The following ASCC3 variants were observed in gnomAD, a reference collection of about 807,000 sequenced individuals.
The protein encoded by ASCC3 is ASC-1 complex subunit P200.
Under a neutral mutation model 256.3 loss-of-function variants are expected in ASCC3, and 158 were observed. That is an observed-to-expected ratio of 0.62 (90% CI 0.54 to 0.70). ASCC3 has a LOEUF of 0.70. Ranked by LOEUF, ASCC3 falls within the 30% of genes least tolerant of loss-of-function variation. ASCC3 has a pLI of 0.00. For missense variants in ASCC3, 2,259 were observed against 2,626.0 expected (o/e 0.86, Z 3.05); for synonymous variants, 948 against 883.4 (o/e 1.07, Z -1.30).
intron 5 of ASCC3, among the ~76,000 whole-genome samples, chr6:100,805,091 T>C (rs1331742667): frequency 6.6e-6 from 1 of 151,984 alleles, no homozygotes; most frequent in Non-Finnish European, 1.5e-5. Context: ...GAAATTGTTC[T>C]GTTTCCTGAA....
chr6:100,598,021 C>T (rs898495330), intron 34 of ASCC3, among the ~76,000 whole-genome samples: 2 of 148,744 alleles, frequency 1.3e-5, no homozygotes, highest in Non-Finnish European at 3.0e-5. Flanking sequence ...TTGTGAAAAT[C>T]AGTTGAAGCT....
chr6:100,702,978 A>T (rs1273806910), intron 13 of ASCC3, among the ~76,000 whole-genome samples: 1 of 152,154 alleles, frequency 6.6e-6, no homozygotes, highest in African/African-American at 2.4e-5. Context: ...TTCTTGAATT[A>T]GGCATGACCA....
chr6:100,761,554 T>C (rs1284033805), intron 10 of ASCC3, among the ~76,000 whole-genome samples: 2 of 152,118 alleles, frequency 1.3e-5, no homozygotes, highest in Non-Finnish European at 2.9e-5. Flanking sequence ...CCAGCAAAAA[T>C]GTCCTTCAGG....
At chr6:100,722,957 T>TA (rs1269721172) in intron 11 of ASCC3, among the ~76,000 whole-genome samples, 1 of 151,826 alleles carries the variant, frequency 6.6e-6, no homozygotes, top group African/African-American at 2.4e-5. Flanking sequence ...TATTTTGTAT[T>TA]AAAAAAAGAG....
At chr6:100,845,986 C>A (rs1221066228) in intron 4 of ASCC3, among the ~76,000 whole-genome samples, 3 of 152,066 alleles carry the variant, frequency 2.0e-5, no homozygotes, top group African/African-American at 7.2e-5. Flanking sequence ...GGAGCAAGAG[C>A]ACACAGCATG....
In ASCC3 at chr6:100,517,862, G is replaced by C. The variant is rs753484553; in HGVS notation, c.5927+129C>G. ...CGTCACTTGGCCATGTCTCACTCTGGGAAACAGGAGTATTTTCCATGTCAA... is the reference window on the plus strand; with the variant it reads ...CGTCACTTGGCCATGTCTCACTCTGCGAAACAGGAGTATTTTCCATGTCAA... On this transcript the variant is annotated intron_variant, in intron 38 of 41. Coordinates refer to ENST00000369162, the MANE Select transcript of ASCC3 (RefSeq NM_006828.4). The C allele has an allele frequency of 2.7e-5, 29 of 1,058,058 alleles. No individual in the cohort carries two copies. The Middle Eastern group carries it at 1.2e-3, about 45-fold the overall frequency. The allele number at this position is 1,058,058 out of a possible 1,614,324, so 65.5% of individuals were successfully genotyped here.
chr6:100,633,016 G>T (rs534325440), intron 25 of ASCC3, among the ~76,000 whole-genome samples: 3 of 152,010 alleles, frequency 2.0e-5, no homozygotes, highest in African/African-American at 7.2e-5. Context: ...TCAACAGAGA[G>T]ACAATGTGAA....
At chr6:100,698,922 C>T (rs1165446467) in intron 13 of ASCC3, among the ~76,000 whole-genome samples, 4 of 152,182 alleles carry the variant, frequency 2.6e-5, no homozygotes, top group African/African-American at 9.6e-5. Flanking sequence ...CACCTATTCA[C>T]TTATTCATCA....
intron 25 of ASCC3, among the ~76,000 whole-genome samples, chr6:100,634,370 C>T (rs913542584): frequency 7.2e-5 from 11 of 152,116 alleles, no homozygotes; most frequent in Admixed American, 3.3e-4. Context: ...TGTAATTTTG[C>T]ATCCTTTAAC....
At chr6:100,529,954 G>C (rs545492026) in intron 37 of ASCC3, among the ~76,000 whole-genome samples, 1 of 152,010 alleles carries the variant, frequency 6.6e-6, no homozygotes, top group East Asian at 1.9e-4. Context: ...CAGCTGTCAT[G>C]ATGTTTGCCT....
chr6:100,528,998 T>C (rs1407658629), intron 37 of ASCC3, among the ~76,000 whole-genome samples: 1 of 152,190 alleles, frequency 6.6e-6, no homozygotes, highest in East Asian at 1.9e-4. Flanking sequence ...TCTAGAAGTT[T>C]GAAGTTTTTC....
At chr6:100,557,413 G>T (rs567515798) in intron 36 of ASCC3, among the ~76,000 whole-genome samples, 1 of 152,120 alleles carries the variant, frequency 6.6e-6, no homozygotes, top group East Asian at 1.9e-4. Flanking sequence ...TTGCTGCATG[G>T]ATTTGGGATG....
chr6:100,569,931 A>G (rs1399369339), intron 36 of ASCC3, among the ~76,000 whole-genome samples: 1 of 152,056 alleles, frequency 6.6e-6, no homozygotes, highest in African/African-American at 2.4e-5. Flanking sequence ...ATGTTTTTCC[A>G]TTTGTTTGTG....
rs1770085226 is a variant in ASCC3, at chr6:100,563,866, A to G, written c.5551-23479T>C. Among the ~76,000 whole-genome samples, 3 of 152,150 alleles carry G rather than the reference A, an allele frequency of 2.0e-5. No homozygotes were observed. The South Asian group carries it at 6.2e-4, about 32-fold the overall frequency. ...TAAAATATTATTACTAATGAAAGCT[A>G]GCAACAGCAGATATCATATGGTAGG... is the stretch of plus-strand genomic sequence containing the variant. On this transcript the variant is annotated intron_variant, in intron 36 of 41. Coordinates refer to ENST00000369162, the MANE Select transcript of ASCC3 (RefSeq NM_006828.4).
rs1772477576 is a variant in ASCC3 at position 100,848,197 on chromosome 6, A to G, written c.752T>C (p.Leu251Ser). The G allele has an allele frequency of 6.2e-7, 1 of 1,610,624 alleles. No homozygotes were observed. Among genetic ancestry groups the G allele is most frequent in the Non-Finnish European group, 8.5e-7 (1 of 1,178,816 alleles). ...VPRVEDLCCT[L>S]YDMLASIKSG... is the part of the protein sequence containing the mutation. ...TTTAATAGAAGCAAGCATATCATAT[A>G]AAGTACAGCAAAGATCTTCTACTCT... The change falls in exon 4 of 42, where the codon TTA becomes TCA. Residue 251 changes from leucine to serine, a missense_variant. This residue lies in a region of ASCC3 where 420 missense variants were observed against 419.3 expected (regional missense o/e 1.00). Coordinates refer to ENST00000369162, the MANE Select transcript of ASCC3 (RefSeq NM_006828.4).
intron 4 of ASCC3, among the ~76,000 whole-genome samples, chr6:100,835,308 T>C (rs954386206): frequency 2.0e-5 from 3 of 152,154 alleles, no homozygotes; most frequent in African/African-American, 7.2e-5. Context: ...TTTTTGCTTT[T>C]ATTGCTTATG....
At chr6:100,753,957 T>C (rs1781059414) in intron 10 of ASCC3, among the ~76,000 whole-genome samples, 1 of 152,138 alleles carries the variant, frequency 6.6e-6, no homozygotes, top group South Asian at 2.1e-4. Context: ...TGCAATTTCT[T>C]AGTGTTTTAC....
At chr6:100,590,674 T>C (rs1771959938) in intron 34 of ASCC3, among the ~76,000 whole-genome samples, 1 of 152,070 alleles carries the variant, frequency 6.6e-6, no homozygotes, top group Admixed American at 6.6e-5. Context: ...CCCATCATGA[T>C]GGTTTTACAT....
intron 14 of ASCC3, among the ~76,000 whole-genome samples, chr6:100,670,404 C>T (rs1776683182): frequency 6.6e-6 from 1 of 151,864 alleles, no homozygotes; most frequent in Non-Finnish European, 1.5e-5. Context: ...GTGATATTTG[C>T]ATATAATTTA....
Sources: gnomAD v4.1 joint callset for allele counts (sites outside exome capture counted in the v4.1 genomes callset) on GRCh38, gnomAD v4.1.1 for gene constraint, gnomAD v4.1.1 regional missense constraint, MANE v1.5 for transcripts, NCBI Gene and HGNC (gene_info 2026-07-23, HGNC 2026-07-21) for gene names.